Variants in DNAI4 observed in about 807,000 individuals in gnomAD.
DNAI4 encodes dynein axonemal intermediate chain 4, also known as WD repeat domain 78.
In DNAI4, 85 loss-of-function variants were observed where a neutral mutation model predicts 105.8. The ratio of observed to expected loss-of-function variants is 0.80; its 90% CI spans 0.67 to 0.96. The LOEUF (loss-of-function observed/expected upper bound fraction) is 0.96. DNAI4 is among the 40% of genes least tolerant of loss of function. DNAI4 has a pLI of 0.00. For missense variants in DNAI4, 1,014 were observed against 1,005.6 expected (o/e 1.01, Z -0.11); for synonymous variants, 352 against 331.5 (o/e 1.06, Z -0.67).
intron 11 of DNAI4, 71 bp from the exon 12 acceptor site, chr1:66,834,219 G>A: frequency 8.3e-7 from 1 of 1,210,262 alleles, no homozygotes; most frequent in South Asian, 1.6e-5. Context: ...GAGTATAAGT[G>A]ATAAGGTCAG....
intron 8 of DNAI4, among the ~76,000 whole-genome samples, chr1:66,843,141 A>G (rs918269303): frequency 2.8e-5 from 4 of 143,332 alleles, no homozygotes; most frequent in Admixed American, 7.1e-5. Context: ...CTGAGGCTAC[A>G]ATGAGCCGTG....
intron 4 of DNAI4, among the ~76,000 whole-genome samples, chr1:66,875,533 C>T (rs1477304799): frequency 6.6e-6 from 1 of 152,028 alleles, no homozygotes; most frequent in African/African-American, 2.4e-5. Flanking sequence ...TTAGGACAGT[C>T]AGAACTTGAT....
chr1:66,837,666 G>A (rs1462624892), intron 10 of DNAI4, 44 bp downstream of exon 10: 1 of 1,549,118 alleles, frequency 6.5e-7, no homozygotes, highest in Non-Finnish European at 8.8e-7. Flanking sequence ...TGAGAATTTT[G>A]TCAACAGCCA....
At chr1:66,911,314 C>A (rs1649643286) in intron 1 of DNAI4, among the ~76,000 whole-genome samples, 1 of 152,196 alleles carries the variant, frequency 6.6e-6, no homozygotes, top group South Asian at 2.1e-4. Context: ...GGCACACCAC[C>A]TTTTAGAAAC....
At chr1:66,846,277 T>G (rs1646272903) in intron 8 of DNAI4, among the ~76,000 whole-genome samples, 1 of 152,198 alleles carries the variant, frequency 6.6e-6, no homozygotes, top group African/African-American at 2.4e-5. Context: ...TCAATATTCT[T>G]CTAGATGCAT....
rs1278495426 is a variant in DNAI4, at chr1:66,813,888, G to C, written c.*242C>G. The C allele has an allele frequency of 2.5e-6, 1 of 393,516 alleles. No homozygotes were observed. The highest frequency in any genetic ancestry group is 4.5e-6 in the Non-Finnish European group (1 of 221,744). 24.4% of individuals were successfully genotyped at this position (393,516 alleles called of 1,614,324 possible). ...TCATATGTACTTAGAATATGATCAA[G>C]AGAGTAGGAATATCTTTAGAAAAAT... On this transcript the variant is annotated 3_prime_UTR_variant, in exon 17 of 17. Transcript: ENST00000371026.
intron 8 of DNAI4, among the ~76,000 whole-genome samples, chr1:66,841,269 T>C (rs931384071): frequency 1.3e-5 from 2 of 152,094 alleles, no homozygotes; most frequent in African/African-American, 4.8e-5. Context: ...AGAATTGATA[T>C]ACCCCTGAAG....
At chr1:66,892,674 G>A (rs1275820173) in intron 3 of DNAI4, among the ~76,000 whole-genome samples, 1 of 152,082 alleles carries the variant, frequency 6.6e-6, no homozygotes, top group Middle Eastern at 3.2e-3. Context: ...GGGAGGCCTA[G>A]GCAGGTGGAT....
intron 4 of DNAI4, among the ~76,000 whole-genome samples, chr1:66,885,932 A>G (rs1647189691): frequency 6.6e-6 from 1 of 152,172 alleles, no homozygotes; most frequent in Non-Finnish European, 1.5e-5. Flanking sequence ...AACAAGTATT[A>G]CTACAAGCAT....
chr1:66,850,546 T>C (rs1646375139), intron 7 of DNAI4, among the ~76,000 whole-genome samples: 1 of 151,738 alleles, frequency 6.6e-6, no homozygotes, highest in African/African-American at 2.4e-5. Context: ...AGAGAGAAAA[T>C]AAAGATAAAT....
At chr1:66,895,224 A>G (rs1202166681) in intron 2 of DNAI4, among the ~76,000 whole-genome samples, 1 of 152,226 alleles carries the variant, frequency 6.6e-6, no homozygotes, top group Non-Finnish European at 1.5e-5. Context: ...AATGCCTGTA[A>G]TCCCAGTGCT....
Position 66,833,632 on chromosome 1 carries a change from A to G in DNAI4, c.1966T>C (p.Leu656=), listed in dbSNP as rs1645916587. 1 of 1,613,450 alleles carries G rather than the reference A, an allele frequency of 6.2e-7. No homozygotes were observed. Among genetic ancestry groups the G allele is most frequent in the South Asian group, 1.1e-5 (1 of 91,042 alleles). Residue 656 remains leucine (L), a synonymous_variant, in exon 13 of 17, where the codon TTG becomes CTG. Coordinates refer to ENST00000371026, the MANE Select transcript of DNAI4 (RefSeq NM_024763.5). Reference sequence around the variant, plus strand: ...ATTCCAGGAGCCTGTCGAGATATCAAAGCTTCATCTTTCTTTTCCTTTTCC... The same window carrying G: ...ATTCCAGGAGCCTGTCGAGATATCAGAGCTTCATCTTTCTTTTCCTTTTCC... ...GGEKEKKDEA[L]ISRQAPGMCF...
At chr1:66,884,341 G>A (rs1307060299) in intron 4 of DNAI4, among the ~76,000 whole-genome samples, 1 of 152,210 alleles carries the variant, frequency 6.6e-6, no homozygotes, top group African/African-American at 2.4e-5. Context: ...ATACCCAGAA[G>A]TAGGATTGCT....
At chr1:66,871,969 A>G (rs945068946) in intron 5 of DNAI4, among the ~76,000 whole-genome samples, 4 of 152,168 alleles carry the variant, frequency 2.6e-5, no homozygotes, top group African/African-American at 4.8e-5. Flanking sequence ...CTTGCTTCAT[A>G]GCCTTATGAA....
intron 4 of DNAI4, among the ~76,000 whole-genome samples, chr1:66,881,445 TG>T (rs1647069099): frequency 6.6e-6 from 1 of 152,064 alleles, no homozygotes; most frequent in Non-Finnish European, 1.5e-5. Flanking sequence ...TGCATCAGTG[TG>T]ACCCGGATGC....
intron 1 of DNAI4, among the ~76,000 whole-genome samples, chr1:66,914,197 C>G (rs1649894088): frequency 6.6e-6 from 1 of 152,054 alleles, no homozygotes; most frequent in South Asian, 2.1e-4. Context: ...TCTAGCATTC[C>G]ATAGGTTTCA....
At chr1:66,827,941 T>C in intron 13 of DNAI4, 31 bp from the exon 14 acceptor site, 1 of 1,333,446 alleles carries the variant, frequency 7.5e-7, no homozygotes, top group South Asian at 1.3e-5. Flanking sequence ...ATGCATTGGC[T>C]TGTGATACAT....
chr1:66,883,693 T>C (rs1557955634), intron 4 of DNAI4, among the ~76,000 whole-genome samples: 1 of 152,180 alleles, frequency 6.6e-6, no homozygotes, highest in Non-Finnish European at 1.5e-5. Flanking sequence ...TTGTATTTTA[T>C]AGGAATATAC....
intron 1 of DNAI4, among the ~76,000 whole-genome samples, chr1:66,913,948 C>T (rs1000006761): frequency 3.4e-5 from 5 of 148,590 alleles, no homozygotes; most frequent in African/African-American, 1.2e-4. Flanking sequence ...CGCGCCACTG[C>T]ACTCCAGCCT....
Sources: allele counts gnomAD v4.1 joint callset (sites outside exome capture counted in the v4.1 genomes callset), GRCh38; gene constraint gnomAD v4.1.1; transcripts MANE v1.5; gene names NCBI Gene and HGNC (gene_info 2026-07-23, HGNC 2026-07-21).